FBXO11: variants seen among roughly 807,000 people sequenced by gnomAD.
FBXO11 encodes F-box only protein 11.
In FBXO11, 13 loss-of-function variants were observed where a neutral mutation model predicts 117.0. The ratio of observed to expected loss-of-function variants is 0.11; its 90% confidence interval spans 0.07 to 0.18. The LOEUF (loss-of-function observed/expected upper bound fraction) is 0.18, where lower values mean the gene tolerates loss of function less well. Among genes scored for constraint, FBXO11 ranks in the 10% least tolerant of loss-of-function variants. The probability of loss-of-function intolerance (pLI) is 1.00; values close to 1 mark genes in which losing one functional copy is unlikely to be tolerated. For synonymous variants in FBXO11, 490 were observed against 380.5 expected (o/e 1.29, Z -3.35); for missense variants, 767 against 1,164.4 (o/e 0.66, Z 4.97).
chr2:47,810,488 G>C lies in FBXO11; in HGVS notation c.2228-62C>G, dbSNP rs1409300483. On this transcript the variant is annotated intron_variant, in intron 18 of 22. Coordinates refer to ENST00000403359, the MANE Select transcript of FBXO11 (RefSeq NM_001190274.2). ...ATATAACAGACTACTAACCTTTTTG[G>C]TGGTATTTAGGTTTGCTTTTAGTTT... 3 of 1,031,494 alleles carry C rather than the reference G, an allele frequency of 2.9e-6. No homozygotes were observed. In the East Asian group the frequency reaches 8.0e-5, roughly 27 times the overall value. The allele number at this position is 1,031,494 out of a possible 1,614,324, so 63.9% of individuals were successfully genotyped here.
chr2:47,839,687 A>G lies in FBXO11; in HGVS notation c.315T>C (p.Thr105=). Reference sequence around the variant, plus strand: ...GACACGCTGTTCTTTTCGGCAAAAGAGTTTTTCTACGAAGTTGGTATGGAC... The same window carrying G: ...GACACGCTGTTCTTTTCGGCAAAAGGGTTTTTCTACGAAGTTGGTATGGAC... ...QNSPYQLRRK[T]LLPKRTACPT... is the part of the protein sequence containing the mutation. The change falls in exon 2 of 23, where the codon ACT becomes ACC. Residue 105 remains threonine (T), a synonymous_variant. Transcript: ENST00000403359. The G allele has an allele frequency of 6.2e-7, 1 of 1,614,136 alleles. No individual in the cohort carries two copies.
intron 4 of FBXO11, among the ~76,000 whole-genome samples, chr2:47,836,582 C>T (rs904847666): frequency 6.6e-6 from 1 of 152,028 alleles, no homozygotes; most frequent in African/African-American, 2.4e-5. Context: ...TCCCTAAGTG[C>T]TGGGATTACA....
At chr2:47,896,566 G>A (rs796981458) in intron 1 of FBXO11, among the ~76,000 whole-genome samples, 40 of 152,218 alleles carry the variant, frequency 2.6e-4, no homozygotes, top group African/African-American at 8.2e-4. Flanking sequence ...CTGGGCTCAA[G>A]CGATCCACCC....
intron 1 of FBXO11, among the ~76,000 whole-genome samples, chr2:47,858,537 C>A (rs1674493075): frequency 6.6e-6 from 1 of 150,620 alleles, no homozygotes; most frequent in Non-Finnish European, 1.5e-5. Flanking sequence ...CAAAAATTAG[C>A]TGGGCATGGT....
At chr2:47,825,857 G>C (rs1165539994) in intron 11 of FBXO11, among the ~76,000 whole-genome samples, 1 of 152,000 alleles carries the variant, frequency 6.6e-6, no homozygotes, top group African/African-American at 2.4e-5. Context: ...GATTACAGGT[G>C]TGAGCCACCA....
chr2:47,832,701 T>C (rs772738282), intron 9 of FBXO11, 23 bp from the exon 10 acceptor site: 6 of 1,610,704 alleles, frequency 3.7e-6, no homozygotes, highest in African/African-American at 1.3e-5. Flanking sequence ...TATTTATTTA[T>C]GTAAAAACCT....
rs1025547914 is a variant in FBXO11, at chr2:47,845,682, A to G, written c.233-5913T>C. ...ATACTTACTTTTTTTATTATATGCC[A>G]TATTTCCCTAACAAAATTATAAGCT... On this transcript the variant is annotated intron_variant, in intron 1 of 22. Transcript: ENST00000403359. Among the ~76,000 whole-genome samples the G allele has an allele frequency of 2.0e-5, 3 of 152,158 alleles. No homozygotes were observed. In the South Asian group the frequency reaches 6.2e-4, roughly 32 times the overall value.
chr2:47,896,846 A>G (rs1467748087), intron 1 of FBXO11, among the ~76,000 whole-genome samples: 24 of 152,164 alleles, frequency 1.6e-4, no homozygotes, highest in Admixed American at 1.4e-3. Context: ...TTCCTTTACC[A>G]TAAGAACACT....
chr2:47,843,047 A>G (rs374772026), intron 1 of FBXO11, among the ~76,000 whole-genome samples: 2 of 152,204 alleles, frequency 1.3e-5, no homozygotes, highest in East Asian at 3.9e-4. Flanking sequence ...ATGGCCTCCC[A>G]AAGTGATGAG....
chr2:47,827,608 G>A (rs1671856162), intron 11 of FBXO11, among the ~76,000 whole-genome samples: 1 of 152,032 alleles, frequency 6.6e-6, no homozygotes, highest in Admixed American at 6.6e-5. Flanking sequence ...AACCCGGCCT[G>A]CTTCAAGACG....
chr2:47,896,781 G>A (rs1479205566), intron 1 of FBXO11, among the ~76,000 whole-genome samples: 1 of 152,148 alleles, frequency 6.6e-6, no homozygotes, highest in Non-Finnish European at 1.5e-5. Flanking sequence ...GTAGTATAGT[G>A]GCTACTTTTA....
At chr2:47,857,600 G>C (rs1419616058) in intron 1 of FBXO11, among the ~76,000 whole-genome samples, 1 of 152,160 alleles carries the variant, frequency 6.6e-6, no homozygotes, top group Non-Finnish European at 1.5e-5. Context: ...TCATAGCAGG[G>C]ATAGGGATGT....
At chr2:47,882,921 T>A (rs987602099) in intron 1 of FBXO11, among the ~76,000 whole-genome samples, 1 of 152,196 alleles carries the variant, frequency 6.6e-6, no homozygotes, top group African/African-American at 2.4e-5. Flanking sequence ...AGTGCTGGGA[T>A]TACAGGCGTG....
At chr2:47,811,939 C>A (rs890140855) in intron 18 of FBXO11, among the ~76,000 whole-genome samples, 3 of 151,896 alleles carry the variant, frequency 2.0e-5, no homozygotes, top group Admixed American at 2.0e-4. Flanking sequence ...TTAACATGTC[C>A]CACCCCCTGC....
At chr2:47,870,028 TG>T (rs1268289027) in intron 1 of FBXO11, among the ~76,000 whole-genome samples, 3 of 152,166 alleles carry the variant, frequency 2.0e-5, no homozygotes, top group Non-Finnish European at 4.4e-5. Flanking sequence ...GCCTCCCATG[TG>T]GGTGGGCCTT....
At chr2:47,837,662 T>C (rs1312968672) in intron 4 of FBXO11, among the ~76,000 whole-genome samples, 1 of 152,252 alleles carries the variant, frequency 6.6e-6, no homozygotes, top group Non-Finnish European at 1.5e-5. Flanking sequence ...TCTGCCATAT[T>C]TGCTTCCACT....
chr2:47,904,403 C>T (rs748436926), intron 1 of FBXO11, among the ~76,000 whole-genome samples: 2 of 152,144 alleles, frequency 1.3e-5, no homozygotes, highest in Non-Finnish European at 2.9e-5. Flanking sequence ...TCATAAACCT[C>T]CCAAAATAAC....
chr2:47,828,548 G>GCAGTGAGC (rs1331943671), intron 11 of FBXO11, among the ~76,000 whole-genome samples: 1 of 151,560 alleles, frequency 6.6e-6, no homozygotes, highest in East Asian at 1.9e-4. Flanking sequence ...GGTGGAGGTT[G>GCAGTGAGC]CAGTGAGCCG....
At chr2:47,882,929 G>T (rs996395958) in intron 1 of FBXO11, among the ~76,000 whole-genome samples, 7 of 152,150 alleles carry the variant, frequency 4.6e-5, no homozygotes, top group African/African-American at 9.7e-5. Flanking sequence ...GATTACAGGC[G>T]TGAGTCCCCA....
Sources: allele counts gnomAD v4.1 joint callset (sites outside exome capture counted in the v4.1 genomes callset), GRCh38; gene constraint gnomAD v4.1.1; transcripts MANE v1.5; gene names NCBI Gene and HGNC (gene_info 2026-07-23, HGNC 2026-07-21).